The following MS4A6E variants were observed in gnomAD, a reference collection of about 807,000 sequenced individuals.
The protein encoded by MS4A6E is membrane-spanning 4-domains subfamily A member 6E.
A neutral mutation model predicts 13.2 loss-of-function variants in MS4A6E; 8 were observed. The observed-to-expected ratio is 0.60, with a 90% CI of 0.35 to 1.09. MS4A6E has a LOEUF of 1.09. Among genes scored for constraint, MS4A6E ranks in the 50% least tolerant of loss-of-function variants. The pLI is 0.02. For missense variants in MS4A6E, 177 were observed against 171.1 expected, an observed-to-expected ratio of 1.03 and a Z score of -0.19; for synonymous variants, 72 against 67.6, an observed-to-expected ratio of 1.06 and a Z score of -0.32.
chr11:60,335,386 C>T, intron 2 of MS4A6E: 1 of 373,808 alleles, frequency 2.7e-6, no homozygotes, highest in South Asian at 2.2e-5. Flanking sequence ...GCATGCTTAA[C>T]AATCCACACT....
Position 60,332,489 on chromosome 11 carries a change from C to A in MS4A6E, c.-14-2393C>A, listed in dbSNP as rs145840317. Among the ~76,000 whole-genome samples, 147 of 152,338 alleles carry A rather than the reference C, an allele frequency of 9.6e-4. 5 individuals carry two copies. The East Asian group carries it at 0.022, about 23-fold the overall frequency. ...TCAGCTAGTCCTGTTTCCCAGGTCC[C>A]ATCTGCATCTCAGCTTTCATTTCCC... On this transcript the variant is annotated intron_variant, in intron 1 of 4. Transcript: ENST00000684409.
chr11:60,342,177 GTGAGAGAGAGAGAGAGA>G (rs2085230543), downstream of MS4A6E, among the ~76,000 whole-genome samples: 1 of 29,238 alleles, frequency 3.4e-5, no homozygotes, highest in African/African-American at 1.0e-4. Flanking sequence ...GTGTGTGTGT[GTGAGAGAGAGAGAGAGA>G]GAGAGAGGGG....
At chr11:60,329,552 C>A (rs897375132) in intron 1 of MS4A6E, among the ~76,000 whole-genome samples, 7 of 152,112 alleles carry the variant, frequency 4.6e-5, no homozygotes, top group African/African-American at 9.7e-5. Context: ...GTTCTAGGTC[C>A]TTGAGGAATC....
chr11:60,341,116 A>G lies in MS4A6E; in HGVS notation c.*350A>G, dbSNP rs950983811. 6.6e-6 allele frequency: 1 copy of G among 152,206 alleles called. No individual in the cohort carries two copies. The highest frequency in any genetic ancestry group is 2.4e-5 in the African/African-American group (1 of 41,442). The allele number at this position is 152,206 out of a possible 1,614,324, so 9.4% of individuals were successfully genotyped here. On this transcript the variant is annotated 3_prime_UTR_variant, in exon 5 of 5. Coordinates refer to ENST00000684409, the MANE Select transcript of MS4A6E (RefSeq NM_139249.4). ...TCCCAGAAAACTAGGCAGAATGATG[A>G]TTCAATGGATCACAGTGAGGCAAAG...
intron 1 of MS4A6E, among the ~76,000 whole-genome samples, chr11:60,328,356 G>A (rs934041197): frequency 6.6e-6 from 1 of 152,184 alleles, no homozygotes; most frequent in African/African-American, 2.4e-5. Flanking sequence ...GTATGGCCAA[G>A]CTACTGTTTA....
At chr11:60,335,639 T>C (rs12798157) in intron 2 of MS4A6E, 132,158 of 449,996 alleles carry the variant, frequency 0.29, 22,417 homozygotes, top group Admixed American at 0.36. Context: ...TCTGCACTTA[T>C]GTGATCTGAG....
chr11:60,331,214 CAAT>C, intron 1 of MS4A6E, among the ~76,000 whole-genome samples: 1 of 150,374 alleles, frequency 6.7e-6, no homozygotes, highest in Middle Eastern at 3.4e-3. Flanking sequence ...AGCTTTAATA[CAAT>C]TATTACATCC....
chr11:60,346,095 A>G (rs1228240473), downstream of MS4A6E, among the ~76,000 whole-genome samples: 1 of 151,962 alleles, frequency 6.6e-6, no homozygotes, highest in East Asian at 1.9e-4. Context: ...GTCCTATTGG[A>G]CCATCTGTGA....
At chr11:60,330,195 T>C (rs1249737478) in intron 1 of MS4A6E, among the ~76,000 whole-genome samples, 1 of 150,526 alleles carries the variant, frequency 6.6e-6, no homozygotes, top group African/African-American at 2.5e-5. Context: ...TTGTAGATTC[T>C]GGATATTAGC....
chr11:60,334,238 A>T (rs2085174618), intron 1 of MS4A6E, among the ~76,000 whole-genome samples: 1 of 152,158 alleles, frequency 6.6e-6, no homozygotes, highest in Non-Finnish European at 1.5e-5. Flanking sequence ...GGGGAGAAAG[A>T]GGTTACAGGC....
intron 1 of MS4A6E, among the ~76,000 whole-genome samples, chr11:60,331,935 T>G (rs2085158703): frequency 6.6e-6 from 1 of 152,200 alleles, no homozygotes; most frequent in Admixed American, 6.5e-5. Flanking sequence ...AAGTTGGCCT[T>G]CATCACACTT....
chr11:60,342,097 G>A (rs948334924), downstream of MS4A6E, among the ~76,000 whole-genome samples: 6 of 148,846 alleles, frequency 4.0e-5, no homozygotes, highest in Non-Finnish European at 8.9e-5. Context: ...TTTGAGCACA[G>A]AATAAAGAAT....
downstream of MS4A6E, among the ~76,000 whole-genome samples, chr11:60,342,808 A>AT (rs1298653955): frequency 6.6e-6 from 1 of 152,024 alleles, no homozygotes; most frequent in African/African-American, 2.4e-5. Flanking sequence ...TTGCAGCTGG[A>AT]TTTTTCAGGC....
downstream of MS4A6E, among the ~76,000 whole-genome samples, chr11:60,341,520 G>A (rs1402258963): frequency 2.0e-5 from 3 of 151,950 alleles, no homozygotes; most frequent in Admixed American, 6.6e-5. Flanking sequence ...TCATACTTAC[G>A]TCCTTATTTC....
At chr11:60,341,923 T>G (rs1437061711), downstream of MS4A6E, among the ~76,000 whole-genome samples, 1 of 152,196 alleles carries the variant, frequency 6.6e-6, no homozygotes, top group African/African-American at 2.4e-5. Context: ...TGATACTTAT[T>G]GGATACCAGA....
chr11:60,338,117 T>A (rs2085200943), intron 3 of MS4A6E, among the ~76,000 whole-genome samples, 170 bp downstream of exon 3: 1 of 152,224 alleles, frequency 6.6e-6, no homozygotes, highest in South Asian at 2.1e-4. Context: ...TTAAGGGGAT[T>A]ACATACTAAC....
rs1007991875 is a variant in MS4A6E, at chr11:60,340,854, T to C, written c.*88T>C. ...TTCTTGGGAAAAAACGGAGAAATATTAATTGGAAAGTTGATTTTTATGATA... is the reference window on the plus strand; with the variant it reads ...TTCTTGGGAAAAAACGGAGAAATATCAATTGGAAAGTTGATTTTTATGATA... On this transcript the variant is annotated 3_prime_UTR_variant, in exon 5 of 5. Coordinates refer to ENST00000684409, the MANE Select transcript of MS4A6E (RefSeq NM_139249.4). 2 of 170,492 alleles carry C rather than the reference T, an allele frequency of 1.2e-5. No individual in the cohort carries two copies. The highest frequency in any genetic ancestry group is 2.6e-5 in the Non-Finnish European group (2 of 75,982). The allele number at this position is 170,492 out of a possible 1,614,324, so 10.6% of individuals were successfully genotyped here.
intron 1 of MS4A6E, among the ~76,000 whole-genome samples, chr11:60,329,758 T>A (rs1272883304): frequency 1.3e-5 from 2 of 152,202 alleles, no homozygotes; most frequent in Admixed American, 6.5e-5. Flanking sequence ...ATGAGCTTTT[T>A]TTCCTATGTT....
At chr11:60,344,011 A>T (rs1026761108), downstream of MS4A6E, among the ~76,000 whole-genome samples, 2 of 152,252 alleles carry the variant, frequency 1.3e-5, no homozygotes, top group East Asian at 3.9e-4. Context: ...AGGTGATCCT[A>T]TTTCTTGGAG....
Sources: allele counts gnomAD v4.1 joint callset (sites outside exome capture counted in the v4.1 genomes callset), GRCh38; gene constraint gnomAD v4.1.1; transcripts MANE v1.5; gene names NCBI Gene and HGNC (gene_info 2026-07-23, HGNC 2026-07-21).